The following FAT3 variants were observed in gnomAD, a reference collection of about 807,000 sequenced individuals.
The protein encoded by FAT3 is FAT atypical cadherin 3.
FAT3 carries 95 observed loss-of-function variants against 310.2 expected under a neutral mutation model. The observed-to-expected ratio is 0.31, with a 90% CI of 0.26 to 0.36. The LOEUF (loss-of-function observed/expected upper bound fraction) is 0.36. FAT3 is among the 10% of genes least tolerant of loss of function. FAT3 has a pLI of 1.00. For synonymous variants in FAT3, 2,314 were observed against 2,192.9 expected, an observed-to-expected ratio of 1.06 and a Z score of -1.54; for missense variants, 5,408 against 5,715.6, an observed-to-expected ratio of 0.95 and a Z score of 1.74.
intron 22 of FAT3, 80 bp from the exon 23 acceptor site, chr11:92,880,651 G>A (rs1187363079): frequency 6.8e-7 from 1 of 1,464,492 alleles, no homozygotes; most frequent in Non-Finnish European, 9.2e-7. Flanking sequence ...CAAAGAATTA[G>A]GAGGACATGT....
At chr11:92,609,502 A>G (rs1420723358) in intron 3 of FAT3, among the ~76,000 whole-genome samples, 1 of 152,226 alleles carries the variant, frequency 6.6e-6, no homozygotes, top group Non-Finnish European at 1.5e-5. Flanking sequence ...ATTTGGATTC[A>G]GTTTTTGAAT....
At chr11:92,379,967 T>C (rs1204597006) in intron 2 of FAT3, among the ~76,000 whole-genome samples, 5 of 152,040 alleles carry the variant, frequency 3.3e-5, no homozygotes, top group Non-Finnish European at 7.4e-5. Flanking sequence ...CTGGTTAGGT[T>C]CTGAGCTGGA....
intron 2 of FAT3, among the ~76,000 whole-genome samples, chr11:92,453,223 G>T (rs1270536920): frequency 6.6e-6 from 1 of 152,208 alleles, no homozygotes; most frequent in African/African-American, 2.4e-5. Flanking sequence ...TGGAGTCAGT[G>T]AATGAGTCAT....
At chr11:92,331,727 G>A (rs1417891951) in intron 1 of FAT3, among the ~76,000 whole-genome samples, 4 of 152,102 alleles carry the variant, frequency 2.6e-5, no homozygotes, top group Non-Finnish European at 5.9e-5. Context: ...AGATTTTCTT[G>A]TTTTTTAAAC....
Position 92,479,009 on chromosome 11 carries a change from G to GT in FAT3, c.3293-45616dup, listed in dbSNP as rs1305954654. On this transcript the variant is annotated intron_variant, in intron 2 of 27. Coordinates refer to ENST00000525166, the MANE Select transcript of FAT3 (RefSeq NM_001367949.2). ...TTTCTTTTCTTTGTTGTTGTTTTTT[G>GT]TTTTTTTTTAGAGACAGGGTCTTGC... Among the ~76,000 whole-genome samples the GT allele has an allele frequency of 2.1e-3, 220 of 102,852 alleles. 5 individuals are homozygous for GT. The highest frequency in any genetic ancestry group is 2.1e-3 in the Admixed American group (20 of 9,494). The allele number at this position is 102,852 out of a possible 152,430, so 67.5% of individuals were successfully genotyped here. A position where few individuals can be genotyped will look rare whatever the true frequency, so the allele number is the denominator to read the frequency against.
chr11:92,695,087 C>T (rs997178507), intron 3 of FAT3, among the ~76,000 whole-genome samples: 2 of 152,132 alleles, frequency 1.3e-5, no homozygotes, highest in Non-Finnish European at 2.9e-5. Flanking sequence ...TCCATCACCC[C>T]ACCCCACACC....
intron 3 of FAT3, among the ~76,000 whole-genome samples, chr11:92,684,410 G>A (rs1943571621): frequency 6.6e-6 from 1 of 152,172 alleles, no homozygotes; most frequent in African/African-American, 2.4e-5. Flanking sequence ...GTGCCCAGCA[G>A]ACCCACTGCC....
At chr11:92,444,670 G>GGGA (rs1555048637) in intron 2 of FAT3, among the ~76,000 whole-genome samples, 30 of 131,832 alleles carry the variant, frequency 2.3e-4, no homozygotes, top group Admixed American at 7.0e-4. Context: ...GGGGGGGGGG[G>GGGA]AAAACATACA....
At chr11:92,805,461 G>C (rs551051017) in intron 11 of FAT3, 112 bp downstream of exon 11, 1 of 1,156,514 alleles carries the variant, frequency 8.6e-7, no homozygotes, top group African/African-American at 1.5e-5. Context: ...ATCTGCAATT[G>C]GGTGTGGGTA....
intron 2 of FAT3, among the ~76,000 whole-genome samples, chr11:92,372,066 C>T (rs1010735001): frequency 2.0e-5 from 3 of 152,148 alleles, no homozygotes; most frequent in African/African-American, 7.2e-5. Flanking sequence ...TATTTTGGAC[C>T]ATTTACCTGG....
chr11:92,807,137 G>A (rs1947526362), intron 12 of FAT3, among the ~76,000 whole-genome samples: 1 of 152,112 alleles, frequency 6.6e-6, no homozygotes, highest in South Asian at 2.1e-4. Flanking sequence ...GGGATCTTAA[G>A]ACAAATGCAT....
At chr11:92,696,119 AC>A (rs1455339863) in intron 3 of FAT3, among the ~76,000 whole-genome samples, 1 of 118,338 alleles carries the variant, frequency 8.5e-6, no homozygotes, top group African/African-American at 3.2e-5. Context: ...ATATATATAT[AC>A]CATGTGTATA....
intron 3 of FAT3, among the ~76,000 whole-genome samples, chr11:92,660,360 T>A (rs1302302061): frequency 6.6e-6 from 1 of 152,116 alleles, no homozygotes; most frequent in African/African-American, 2.4e-5. Flanking sequence ...AACAGAAGGA[T>A]GACACCAAGA....
intron 1 of FAT3, among the ~76,000 whole-genome samples, chr11:92,259,816 C>A (rs1265340929): frequency 1.3e-5 from 2 of 152,140 alleles, no homozygotes; most frequent in Non-Finnish European, 2.9e-5. Flanking sequence ...CTGGAGGGAA[C>A]CTAAACAAAA....
chr11:92,648,324 T>G (rs1416848142), intron 3 of FAT3, among the ~76,000 whole-genome samples: 1 of 152,228 alleles, frequency 6.6e-6, no homozygotes, highest in Non-Finnish European at 1.5e-5. Flanking sequence ...GAGGAAGTGC[T>G]TTAATAGTTT....
intron 3 of FAT3, among the ~76,000 whole-genome samples, chr11:92,644,151 C>A (rs889079377): frequency 6.6e-6 from 1 of 152,236 alleles, no homozygotes; most frequent in African/African-American, 2.4e-5. Context: ...TTTTGTCAGG[C>A]AGGCCAGGGG....
intron 4 of FAT3, among the ~76,000 whole-genome samples, chr11:92,740,385 C>T (rs761188189): frequency 3.9e-5 from 6 of 152,106 alleles, no homozygotes; most frequent in African/African-American, 9.7e-5. Context: ...TTTTGACATC[C>T]GCAGAAAGTT....
At chr11:92,310,792 A>AT (rs1358567661) in intron 1 of FAT3, among the ~76,000 whole-genome samples, 1 of 151,884 alleles carries the variant, frequency 6.6e-6, no homozygotes, top group African/African-American at 2.4e-5. Context: ...CATGCTAAGC[A>AT]TTTTTTCTGT....
chr11:92,316,357 T>A (rs1283488289), intron 1 of FAT3, among the ~76,000 whole-genome samples: 1 of 152,186 alleles, frequency 6.6e-6, no homozygotes, highest in East Asian at 1.9e-4. Context: ...GGCAGGAGTA[T>A]AACTGTTGGT....
Sources: gnomAD v4.1 joint callset for allele counts (sites outside exome capture counted in the v4.1 genomes callset) on GRCh38, gnomAD v4.1.1 for gene constraint, MANE v1.5 for transcripts, NCBI Gene and HGNC (gene_info 2026-07-23, HGNC 2026-07-21) for gene names.